Variants in MED23 observed in about 807,000 individuals in gnomAD.
MED23 encodes the protein mediator of RNA polymerase II transcription subunit 23.
Under a neutral mutation model 163.9 loss-of-function variants are expected in MED23, and 105 were observed. The ratio of observed to expected loss-of-function variants is 0.64; its 90% CI spans 0.55 to 0.75. MED23 has a LOEUF of 0.75. MED23 is among the 30% of genes least tolerant of loss of function. The pLI is 0.00. For missense variants in MED23, 1,054 were observed against 1,649.0 expected (o/e 0.64, Z 6.25); for synonymous variants, 561 against 565.6 (o/e 0.99, Z 0.12).
intron 26 of MED23, among the ~76,000 whole-genome samples, chr6:131,590,954 G>T (rs1774572600): frequency 6.8e-6 from 1 of 147,556 alleles, no homozygotes; most frequent in Non-Finnish European, 1.5e-5. Flanking sequence ...TACCTCATCT[G>T]TTAATGAGAT....
At chr6:131,602,550 T>C (rs1024667063) in intron 16 of MED23, among the ~76,000 whole-genome samples, 169 bp from the exon 17 acceptor site, 1 of 152,208 alleles carries the variant, frequency 6.6e-6, no homozygotes, top group African/African-American at 2.4e-5. Context: ...ACCTAATGTG[T>C]CCAATTTTAT....
chr6:131,582,703 A>T (rs1322321449), downstream of MED23: 2 of 1,613,668 alleles, frequency 1.2e-6, no homozygotes, highest in Admixed American at 1.7e-5. Context: ...AGAGACGTGG[A>T]CCCTGGGGAA....
chr6:131,583,920 TC>T (rs777029258), downstream of MED23: 3 of 1,613,318 alleles, frequency 1.9e-6, no homozygotes, highest in South Asian at 3.3e-5. Flanking sequence ...TGTGGAAACA[TC>T]CGATATAAAT....
At chr6:131,581,403 T>C in intron 30 of MED23, 1 of 1,602,348 alleles carries the variant, frequency 6.2e-7, no homozygotes, top group South Asian at 1.1e-5. Context: ...GGTACTCTAG[T>C]GCAATAGAAT....
downstream of MED23, among the ~76,000 whole-genome samples, chr6:131,586,555 T>C (rs1455268240): frequency 6.6e-6 from 1 of 152,208 alleles, no homozygotes; most frequent in Non-Finnish European, 1.5e-5. Context: ...TTTAGAAATA[T>C]GAATTTGAAA....
chr6:131,627,329 GAA>G (rs60163644), intron 3 of MED23, 65 bp downstream of exon 3: 33,976 of 851,922 alleles, frequency 0.04, 286 homozygotes, highest in African/African-American at 0.16. Context: ...AATGTTAAAA[GAA>G]AAAAAAAAAA....
chr6:131,627,551 T>G, intron 2 of MED23, 68 bp from the exon 3 acceptor site: 1 of 1,587,764 alleles, frequency 6.3e-7, no homozygotes, highest in South Asian at 1.1e-5. Context: ...ATCAGAATAG[T>G]GGATCTTATA....
At chr6:131,584,016 T>C, downstream of MED23, 1 of 1,317,808 alleles carries the variant, frequency 7.6e-7, no homozygotes, top group East Asian at 2.5e-5. Context: ...TTCAGAAAAA[T>C]GTTTTTCCAA....
chr6:131,602,393 G>T lies in MED23; in HGVS notation c.1932-12C>A. ...CAGTGCTCTCGACACTGAAAATTGGGAGAATAAAAAGAAATGTAAAAAAAT... is the reference window on the plus strand; with the variant it reads ...CAGTGCTCTCGACACTGAAAATTGGTAGAATAAAAAGAAATGTAAAAAAAT... On this transcript the variant is annotated splice_polypyrimidine_tract_variant and intron_variant, in intron 16 of 28. Transcript: ENST00000368068. 6.2e-7 allele frequency: 1 copy of T among 1,610,466 alleles called. No homozygotes were observed. The highest frequency in any genetic ancestry group is 1.1e-5 in the South Asian group (1 of 90,256).
At chr6:131,594,480 A>G (rs1774893403) in intron 22 of MED23, 145 bp from the exon 23 acceptor site, 2 of 738,968 alleles carry the variant, frequency 2.7e-6, no homozygotes, top group East Asian at 5.1e-5. Flanking sequence ...TATACTATGA[A>G]TATTTTAATC....
chr6:131,596,234 A>T (rs1775036849), intron 21 of MED23, 71 bp from the exon 22 acceptor site: 2 of 1,363,002 alleles, frequency 1.5e-6, no homozygotes, highest in East Asian at 4.6e-5. Context: ...GCTAAATGTG[A>T]AAACATTGTT....
intron 18 of MED23, among the ~76,000 whole-genome samples, chr6:131,599,507 A>T (rs899487485): frequency 1.4e-4 from 22 of 152,294 alleles, no homozygotes; most frequent in African/African-American, 5.1e-4. Context: ...TCCCCATTTC[A>T]GTTCTATGAG....
intron 4 of MED23, among the ~76,000 whole-genome samples, chr6:131,624,029 TG>T (rs1289835561): frequency 6.6e-6 from 1 of 152,230 alleles, no homozygotes; most frequent in Non-Finnish European, 1.5e-5. Context: ...ATATTCATTA[TG>T]TTATATTTTA....
rs775673176 is a variant in MED23 at position 131,598,779 on chromosome 6, A to C, written c.2221-18T>G. 1.2e-5 allele frequency: 20 copies of C among 1,607,770 alleles called. No individual in the cohort carries two copies. In the African/African-American group the frequency reaches 2.5e-4, roughly 20 times the overall value. On this transcript the variant is annotated intron_variant, in intron 18 of 28. Coordinates refer to ENST00000368068, the MANE Select transcript of MED23 (RefSeq NM_004830.4). This position sits in a 1 kb window ranked among gnomAD's most constrained non-coding sequence, Gnocchi z 4.7. ...AAGAATGCCTAAAAAGAGGATTAGA[A>C]GTTTATTTCATTGGTTATAGTAGAA...
At chr6:131,606,430 C>T (rs768482639) in intron 13 of MED23, 49 bp downstream of exon 13, 55 of 1,580,826 alleles carry the variant, frequency 3.5e-5, no homozygotes, top group South Asian at 2.8e-4. Flanking sequence ...GTCTACAATC[C>T]GCTATTAATT....
chr6:131,591,668 C>T, intron 25 of MED23, 141 bp from the exon 26 acceptor site: 1 of 697,352 alleles, frequency 1.4e-6, no homozygotes, highest in Non-Finnish European at 2.5e-6. Flanking sequence ...GGCTTTGTAA[C>T]TGGTCAAATT....
intron 3 of MED23, among the ~76,000 whole-genome samples, chr6:131,626,666 C>T (rs1459091682): frequency 6.6e-6 from 1 of 152,104 alleles, no homozygotes; most frequent in Non-Finnish European, 1.5e-5. Context: ...CCCTTTTATA[C>T]CTGTGCATTT....
Position 131,598,235 on chromosome 6 carries a change from A to T in MED23, c.2607+52T>A. On this transcript the variant is annotated intron_variant, in intron 20 of 28. Coordinates refer to ENST00000368068, the MANE Select transcript of MED23 (RefSeq NM_004830.4). The surrounding 1 kb of genome is among the most constrained non-coding windows in gnomAD (Gnocchi z 4.7). The stretch of plus-strand genomic sequence containing the variant: ...AGAGCAGATTGGCATAACATATATT[A>T]GTCATACATCTTGATCTAAGAGAAT... 1 of 1,504,926 alleles carries T rather than the reference A, an allele frequency of 6.6e-7. No individual in the cohort carries two copies. Among genetic ancestry groups the T allele is most frequent in the African/African-American group, 1.4e-5 (1 of 72,848 alleles). 93.2% of individuals were successfully genotyped at this position (1,504,926 alleles called of 1,614,324 possible). A position where few individuals can be genotyped will look rare whatever the true frequency, so the allele number is the denominator to read the frequency against.
At chr6:131,627,516 C>T (rs754803547) in intron 2 of MED23, 33 bp from the exon 3 acceptor site, 1 of 1,600,408 alleles carries the variant, frequency 6.2e-7, no homozygotes, top group Non-Finnish European at 8.6e-7. Context: ...ATTTGTCATT[C>T]GTTTTAAAAA....
Sources: gnomAD v4.1 joint callset for allele counts (sites outside exome capture counted in the v4.1 genomes callset) on GRCh38, gnomAD v4.1.1 for gene constraint, Gnocchi (gnomAD v3.1) non-coding constraint, MANE v1.5 for transcripts, NCBI Gene and HGNC (gene_info 2026-07-23, HGNC 2026-07-21) for gene names.